The following MRPS9 variants were observed in gnomAD, a reference collection of about 807,000 sequenced individuals.
MRPS9 encodes small ribosomal subunit protein uS9m.
In MRPS9, 45 loss-of-function variants were observed where a neutral mutation model predicts 59.9. The ratio of observed to expected loss-of-function variants is 0.75; its 90% confidence interval spans 0.59 to 0.96. The LOEUF (loss-of-function observed/expected upper bound fraction) is 0.96, where lower values mean the gene tolerates loss of function less well. Ranked by LOEUF, MRPS9 falls within the 40% of genes least tolerant of loss-of-function variation. The pLI is 0.00. For synonymous variants in MRPS9, 171 were observed against 166.8 expected, an observed-to-expected ratio of 1.03 and a Z score of -0.19; for missense variants, 473 against 481.1, an observed-to-expected ratio of 0.98 and a Z score of 0.16.
chr2:105,089,347 C>T (rs1680512088), intron 6 of MRPS9, among the ~76,000 whole-genome samples: 1 of 152,136 alleles, frequency 6.6e-6, no homozygotes, highest in Non-Finnish European at 1.5e-5. Context: ...TATAGCTGCA[C>T]ATTTATTTAG....
chr2:105,055,736 T>A (rs1241144918), intron 2 of MRPS9, among the ~76,000 whole-genome samples: 1 of 152,246 alleles, frequency 6.6e-6, no homozygotes, highest in Non-Finnish European at 1.5e-5. Flanking sequence ...TGTTTTCATT[T>A]ATGTTTTTTA....
rs1409949008 is a variant in MRPS9 at position 105,060,242 on chromosome 2, T to C, written c.315+10892T>C. On this transcript the variant is annotated intron_variant, in intron 2 of 10. Transcript: ENST00000258455. ...CCTTAGTGTTAATTTTATATTAAGC[T>C]TAATGCTTTATGTTGGATTGGGAAA... 2.6e-5 allele frequency among the ~76,000 whole-genome samples: 4 copies of C among 152,296 alleles called. No homozygotes were observed. In the East Asian group the frequency reaches 5.8e-4, roughly 22 times the overall value.
chr2:105,084,723 T>G (rs1311174479), intron 5 of MRPS9, among the ~76,000 whole-genome samples: 1 of 152,214 alleles, frequency 6.6e-6, no homozygotes, highest in Non-Finnish European at 1.5e-5. Context: ...AAAATATATT[T>G]GCATGCTGTT....
chr2:105,071,198 A>G, intron 2 of MRPS9, 115 bp from the exon 3 acceptor site: 1 of 760,976 alleles, frequency 1.3e-6, no homozygotes, highest in Non-Finnish European at 2.1e-6. Flanking sequence ...TTATGAAGTA[A>G]GATAATGCTT....
chr2:105,089,521 CT>C (rs1381203924), intron 6 of MRPS9, among the ~76,000 whole-genome samples: 2 of 152,096 alleles, frequency 1.3e-5, no homozygotes, highest in African/African-American at 4.8e-5. Context: ...GGAAGAACAC[CT>C]TGTTTAAGTT....
At chr2:105,084,604 T>C (rs994519745) in intron 5 of MRPS9, among the ~76,000 whole-genome samples, 3 of 152,180 alleles carry the variant, frequency 2.0e-5, no homozygotes, top group Non-Finnish European at 4.4e-5. Context: ...CTCTTGCATG[T>C]AGTGCTGTCT....
At chr2:105,097,131 A>G (rs1346548100) in intron 9 of MRPS9, 24 bp from the exon 10 acceptor site, 1 of 1,458,802 alleles carries the variant, frequency 6.9e-7, no homozygotes. Flanking sequence ...AAACGTAACC[A>G]CATTTACTTG....
At chr2:105,039,826 T>C (rs1377807608) in intron 1 of MRPS9, among the ~76,000 whole-genome samples, 3 of 152,208 alleles carry the variant, frequency 2.0e-5, no homozygotes, top group Non-Finnish European at 2.9e-5. Context: ...TTTAGTAAAA[T>C]GGATGAAGAA....
chr2:105,081,043 G>T (rs73945034), intron 5 of MRPS9, among the ~76,000 whole-genome samples: 19 of 152,190 alleles, frequency 1.2e-4, no homozygotes, highest in Non-Finnish European at 2.5e-4. Context: ...GCTCCGGCTC[G>T]GTAGAGGTTC....
At position 105,068,397 on chromosome 2, in the gene MRPS9, C is replaced by A. The variant is rs137948558; in HGVS notation, c.316-2916C>A. Among the ~76,000 whole-genome samples the A allele has an allele frequency of 2.0e-4, 30 of 152,174 alleles. No homozygotes were observed. In the East Asian group the frequency reaches 5.8e-3, roughly 29 times the overall value. ...ATAAAATATTTCAGAATTATAGTAT[C>A]AGTGTTATGACTGACTATAAGCCTA... On this transcript the variant is annotated intron_variant, in intron 2 of 10. Coordinates refer to ENST00000258455, the MANE Select transcript of MRPS9 (RefSeq NM_182640.3).
chr2:105,085,196 A>G (rs1456780171), intron 5 of MRPS9, among the ~76,000 whole-genome samples: 2 of 152,234 alleles, frequency 1.3e-5, no homozygotes, highest in African/African-American at 2.4e-5. Context: ...TAACAGAAGT[A>G]TGTCACTTGG....
At chr2:105,058,168 T>A (rs1237274259) in intron 2 of MRPS9, among the ~76,000 whole-genome samples, 3 of 152,250 alleles carry the variant, frequency 2.0e-5, no homozygotes, top group Non-Finnish European at 4.4e-5. Context: ...CAGGCATGTC[T>A]AAGTACAACT....
intron 4 of MRPS9, among the ~76,000 whole-genome samples, chr2:105,075,842 G>T (rs1558758497): frequency 6.6e-6 from 1 of 151,938 alleles, no homozygotes; most frequent in Non-Finnish European, 1.5e-5. Flanking sequence ...GAAATAAAAA[G>T]AAACTTTCTT....
intron 5 of MRPS9, among the ~76,000 whole-genome samples, chr2:105,085,397 AG>A (rs1680427536): frequency 6.6e-6 from 1 of 152,218 alleles, no homozygotes; most frequent in Non-Finnish European, 1.5e-5. Context: ...CTAGTATCTA[AG>A]ATAATTACTA....
At chr2:105,041,112 A>AT (rs1331180331) in intron 1 of MRPS9, among the ~76,000 whole-genome samples, 2 of 152,132 alleles carry the variant, frequency 1.3e-5, no homozygotes, top group Non-Finnish European at 2.9e-5. Context: ...AGGTAGCTGA[A>AT]TTTTTTACCT....
At chr2:105,068,987 ATGT>A (rs1450985600) in intron 2 of MRPS9, among the ~76,000 whole-genome samples, 1 of 152,114 alleles carries the variant, frequency 6.6e-6, no homozygotes, top group African/African-American at 2.4e-5. Context: ...TATATATGTA[ATGT>A]TGTTAGAAAG....
intron 1 of MRPS9, among the ~76,000 whole-genome samples, chr2:105,042,628 C>G (rs1679520999): frequency 6.6e-6 from 1 of 152,164 alleles, no homozygotes; most frequent in Non-Finnish European, 1.5e-5. Context: ...ATCTGAACAC[C>G]TGCTGTATCA....
chr2:105,099,004 G>A (rs1680732182), intron 10 of MRPS9, among the ~76,000 whole-genome samples: 1 of 152,100 alleles, frequency 6.6e-6, no homozygotes, highest in Non-Finnish European at 1.5e-5. Context: ...CTGATGATTG[G>A]GAGAATGAAA....
chr2:105,047,192 C>A (rs1161797070), intron 1 of MRPS9, among the ~76,000 whole-genome samples: 1 of 151,866 alleles, frequency 6.6e-6, no homozygotes, highest in Non-Finnish European at 1.5e-5. Flanking sequence ...CTTCACAAAG[C>A]ATTGTGAGAA....
Sources: gnomAD v4.1 joint callset for allele counts (sites outside exome capture counted in the v4.1 genomes callset) on GRCh38, gnomAD v4.1.1 for gene constraint, MANE v1.5 for transcripts, NCBI Gene and HGNC (gene_info 2026-07-23, HGNC 2026-07-21) for gene names.